Variants in VPS53 observed in about 807,000 individuals in gnomAD.
The protein encoded by VPS53 is vacuolar protein sorting-associated protein 53 homolog.
Under a neutral mutation model 107.0 loss-of-function variants are expected in VPS53, and 70 were observed. That is an observed-to-expected ratio of 0.65 (90% CI 0.54 to 0.80). The LOEUF is 0.80. Among genes scored for constraint, VPS53 ranks in the 30% least tolerant of loss-of-function variants. The pLI is 0.00. For synonymous variants in VPS53, 409 were observed against 393.3 expected, an observed-to-expected ratio of 1.04 and a Z score of -0.47; for missense variants, 917 against 1,049.4, an observed-to-expected ratio of 0.87 and a Z score of 1.74.
chr17:701,580 G>A (rs948232182), intron 2 of VPS53, among the ~76,000 whole-genome samples: 19 of 152,052 alleles, frequency 1.2e-4, no homozygotes, highest in Non-Finnish European at 2.4e-4. Flanking sequence ...GTTTCACCAC[G>A]TTGGCCAGGA....
intron 4 of VPS53, among the ~76,000 whole-genome samples, chr17:672,666 GTTCA>G (rs1270864824): frequency 6.6e-6 from 1 of 152,142 alleles, no homozygotes; most frequent in Non-Finnish European, 1.5e-5. Context: ...GAAGTCTTTT[GTTCA>G]TTCATTCAAT....
chr17:701,380 T>C (rs1050278068), intron 2 of VPS53, among the ~76,000 whole-genome samples: 6 of 151,816 alleles, frequency 4.0e-5, no homozygotes, highest in Non-Finnish European at 7.4e-5. Flanking sequence ...ATTATATATA[T>C]ACATATATTT....
At position 630,906 on chromosome 17, in the gene VPS53, A is replaced by G. The variant is rs566418778; in HGVS notation, c.687+644T>C. Among the ~76,000 whole-genome samples the G allele has an allele frequency of 3.9e-5, 6 of 152,272 alleles. No homozygotes were observed. The South Asian group carries it at 1.2e-3, about 32-fold the overall frequency. On this transcript the variant is annotated intron_variant, in intron 8 of 21. Coordinates refer to ENST00000437048, the MANE Select transcript of VPS53 (RefSeq NM_001128159.3). ...GTATGGGTTCTTTCCTGTCCGACAC[A>G]TGCTAGGCGCTAAGATGGCATCTGC...
At chr17:572,456 T>G (rs1597322205) in intron 13 of VPS53, among the ~76,000 whole-genome samples, 3 of 64,940 alleles carry the variant, frequency 4.6e-5, no homozygotes, top group African/African-American at 9.3e-5. Flanking sequence ...ATCCGGGAGG[T>G]GAGGGGCGCC....
chr17:687,066 C>A (rs2143829831), intron 4 of VPS53, among the ~76,000 whole-genome samples: 1 of 152,224 alleles, frequency 6.6e-6, no homozygotes, highest in Non-Finnish European at 1.5e-5. Context: ...GGGCAGATCA[C>A]CTGAGATCAG....
chr17:545,580 C>A (rs1408200781), intron 17 of VPS53, among the ~76,000 whole-genome samples: 2 of 152,254 alleles, frequency 1.3e-5, no homozygotes, highest in Non-Finnish European at 2.9e-5. Flanking sequence ...CTATGTCTCA[C>A]TTGTTTACCA....
At chr17:530,915 A>G (rs1276995071) in intron 19 of VPS53, among the ~76,000 whole-genome samples, 4 of 152,250 alleles carry the variant, frequency 2.6e-5, no homozygotes, top group Admixed American at 1.3e-4. Flanking sequence ...CATTTTCAGC[A>G]TAAGTATTAA....
chr17:556,526 T>A (rs1041051100), intron 15 of VPS53, among the ~76,000 whole-genome samples: 19 of 152,130 alleles, frequency 1.2e-4, no homozygotes, highest in African/African-American at 4.1e-4. Flanking sequence ...ATTCATAACA[T>A]CGTTCTGTGG....
At chr17:529,099 G>A (rs1173291928) in intron 19 of VPS53, among the ~76,000 whole-genome samples, 3 of 151,940 alleles carry the variant, frequency 2.0e-5, no homozygotes, top group Admixed American at 1.3e-4. Context: ...ATTTTTTTCC[G>A]ATATGGATAT....
At chr17:606,022 G>A (rs73973169) in intron 11 of VPS53, among the ~76,000 whole-genome samples, 4,137 of 152,192 alleles carry the variant, frequency 0.027, 72 homozygotes, top group East Asian at 0.07. Flanking sequence ...CTGCTACAGT[G>A]CTCCAGGAAA....
At chr17:643,079 T>C (rs373949326) in intron 7 of VPS53, among the ~76,000 whole-genome samples, 689 of 64,232 alleles carry the variant, frequency 0.011, 48 homozygotes, top group African/African-American at 0.02. Context: ...ACTTGGCAAC[T>C]GAGGACAACA....
chr17:595,113 G>T (rs1597357244), intron 12 of VPS53, among the ~76,000 whole-genome samples: 1 of 89,692 alleles, frequency 1.1e-5, no homozygotes, highest in South Asian at 5.4e-4. Context: ...GTGTCCCCCT[G>T]GAGGAAGCTG....
chr17:635,559 GAATT>G (rs1266276741), intron 7 of VPS53, among the ~76,000 whole-genome samples: 1 of 152,134 alleles, frequency 6.6e-6, no homozygotes, highest in Admixed American at 6.5e-5. Context: ...AATCCATCTT[GAATT>G]AATTTTTGTA....
chr17:657,550 C>A, intron 5 of VPS53: 1 of 1,105,208 alleles, frequency 9.0e-7, no homozygotes, highest in East Asian at 2.4e-5. Context: ...CGAGCCATGG[C>A]TGCATTAGGC....
chr17:552,763 G>A (rs1911959618), intron 16 of VPS53: 2 of 226,854 alleles, frequency 8.8e-6, no homozygotes, highest in Non-Finnish European at 1.7e-5. Flanking sequence ...GAGGTACAAT[G>A]GCAGCCCAGT....
At chr17:533,521 G>A (rs926836885) in intron 18 of VPS53, among the ~76,000 whole-genome samples, 4 of 152,156 alleles carry the variant, frequency 2.6e-5, no homozygotes, top group African/African-American at 9.7e-5. Flanking sequence ...GCTATTTAAT[G>A]CCTACACTGC....
chr17:539,405 G>A (rs952483521), intron 17 of VPS53, among the ~76,000 whole-genome samples: 1 of 152,144 alleles, frequency 6.6e-6, no homozygotes. Flanking sequence ...TTAATACTCT[G>A]GTCAGTCATG....
chr17:645,125 C>A (rs1480052977), intron 7 of VPS53, among the ~76,000 whole-genome samples: 1 of 152,106 alleles, frequency 6.6e-6, no homozygotes, highest in East Asian at 1.9e-4. Context: ...CCTCTTTAAA[C>A]AAATGTTGAA....
chr17:551,997 G>T, intron 16 of VPS53, 47 bp from the exon 17 acceptor site: 1 of 1,502,870 alleles, frequency 6.7e-7, no homozygotes, highest in Non-Finnish European at 9.0e-7. Context: ...AACAACGGCC[G>T]TCTGAATGAC....
Sources: allele counts gnomAD v4.1 joint callset (sites outside exome capture counted in the v4.1 genomes callset), GRCh38; gene constraint gnomAD v4.1.1; transcripts MANE v1.5; gene names NCBI Gene and HGNC (gene_info 2026-07-23, HGNC 2026-07-21).